PALLD: variants seen among roughly 807,000 people sequenced by gnomAD.
The protein encoded by PALLD is palladin.
In PALLD, 61 loss-of-function variants were observed where a neutral mutation model predicts 123.5. The ratio of observed to expected loss-of-function variants is 0.49; its 90% CI spans 0.40 to 0.61. The LOEUF (loss-of-function observed/expected upper bound fraction) is 0.61. PALLD is among the 20% of genes least tolerant of loss of function. PALLD has a pLI of 0.00. For synonymous variants in PALLD, 465 were observed against 496.4 expected, an observed-to-expected ratio of 0.94 and a Z score of 0.84; for missense variants, 1,273 against 1,377.0, an observed-to-expected ratio of 0.92 and a Z score of 1.20.
chr4:168,678,580 C>CA (rs1402926248), intron 3 of PALLD, among the ~76,000 whole-genome samples: 1 of 152,124 alleles, frequency 6.6e-6, no homozygotes, highest in Admixed American at 6.5e-5. Context: ...GCATGGAAAA[C>CA]AAGCAGGGAG....
intron 10 of PALLD, among the ~76,000 whole-genome samples, chr4:168,777,096 A>G (rs940508212): frequency 3.3e-5 from 5 of 151,890 alleles, no homozygotes; most frequent in African/African-American, 9.7e-5. Context: ...ACAGAGGCAC[A>G]CACATATACA....
At chr4:168,878,546 C>G (rs1220434283) in intron 10 of PALLD, among the ~76,000 whole-genome samples, 2 of 152,238 alleles carry the variant, frequency 1.3e-5, no homozygotes, top group East Asian at 3.8e-4. Flanking sequence ...TGTAAAAATT[C>G]TTAACGGCAA....
intron 2 of PALLD, among the ~76,000 whole-genome samples, chr4:168,552,914 A>G (rs1766885510): frequency 6.6e-6 from 1 of 151,942 alleles, no homozygotes. Context: ...GACCTCAGGT[A>G]ATCTGCTTGC....
In PALLD at chr4:168,761,151, G is replaced by A. The variant is rs1456065551; in HGVS notation, c.1964+49228G>A. Among the ~76,000 whole-genome samples, 4 of 152,270 alleles carry A rather than the reference G, an allele frequency of 2.6e-5. No homozygotes were observed. The South Asian group carries it at 8.3e-4, about 32-fold the overall frequency. On this transcript the variant is annotated intron_variant, in intron 10 of 21. Coordinates refer to ENST00000505667, the MANE Select transcript of PALLD (RefSeq NM_001166108.2). ...TCTTAAACTACTTATATATTAGAAC[G>A]CTGCTGTGGAGGAAGAAATATTTTT...
At chr4:168,593,666 CA>C (rs1561284171) in intron 2 of PALLD, among the ~76,000 whole-genome samples, 1 of 152,090 alleles carries the variant, frequency 6.6e-6, no homozygotes, top group Admixed American at 6.6e-5. Context: ...TCCACTCCAA[CA>C]AATACAGGAA....
At chr4:168,795,903 A>G (rs1420895696) in intron 10 of PALLD, among the ~76,000 whole-genome samples, 1 of 151,716 alleles carries the variant, frequency 6.6e-6, no homozygotes, top group Non-Finnish European at 1.5e-5. Context: ...TTTTATGTTT[A>G]ATGTTTGTGG....
chr4:168,896,714 A>G, intron 13 of PALLD, 115 bp downstream of exon 13: 1 of 666,456 alleles, frequency 1.5e-6, no homozygotes. Context: ...TATAAATGCT[A>G]TGACCAGTGT....
chr4:168,717,938 A>G (rs1005379431), intron 10 of PALLD, among the ~76,000 whole-genome samples: 2 of 149,922 alleles, frequency 1.3e-5, no homozygotes, highest in African/African-American at 5.1e-5. Context: ...CGGAAGGACT[A>G]GGAGGACATT....
intron 2 of PALLD, among the ~76,000 whole-genome samples, chr4:168,551,421 AC>A (rs1004585287): frequency 6.6e-6 from 1 of 152,102 alleles, no homozygotes; most frequent in Non-Finnish European, 1.5e-5. Context: ...ATAACCACAA[AC>A]TTGGGAGTCA....
At chr4:168,576,201 A>G (rs1769560192) in intron 2 of PALLD, among the ~76,000 whole-genome samples, 1 of 152,114 alleles carries the variant, frequency 6.6e-6, no homozygotes. Flanking sequence ...TGGTGCTTAC[A>G]ATTATTTAAT....
chr4:168,596,262 A>G (rs549091569), intron 2 of PALLD, among the ~76,000 whole-genome samples: 11 of 152,290 alleles, frequency 7.2e-5, no homozygotes, highest in African/African-American at 2.6e-4. Flanking sequence ...TATTATACAT[A>G]TCTTAAGTGC....
intron 10 of PALLD, among the ~76,000 whole-genome samples, chr4:168,890,403 A>C (rs1049287430): frequency 5.9e-5 from 9 of 152,234 alleles, no homozygotes; most frequent in Admixed American, 1.3e-4. Flanking sequence ...GGAAGGTAAC[A>C]AACTTAATAT....
rs1352289145 is a variant in PALLD at position 168,925,537 on chromosome 4, T to G, written c.*32+259T>G. The G allele has an allele frequency of 1.2e-5, 6 of 486,640 alleles. No homozygotes were observed. The Admixed American group carries it at 2.0e-4, about 16-fold the overall frequency. The allele number at this position is 486,640 out of a possible 1,614,324, so 30.1% of individuals were successfully genotyped here. On this transcript the variant is annotated intron_variant, in intron 21 of 21. Coordinates refer to ENST00000505667, the MANE Select transcript of PALLD (RefSeq NM_001166108.2). ...ATCCTGGAATGCGTACTTTTGTGGCTTAGTGCTTTTCTCATTAATATATCT... is the reference window on the plus strand; with the variant it reads ...ATCCTGGAATGCGTACTTTTGTGGCGTAGTGCTTTTCTCATTAATATATCT...
intron 10 of PALLD, among the ~76,000 whole-genome samples, chr4:168,730,124 TC>T (rs1287352306): frequency 9.8e-5 from 15 of 152,312 alleles, no homozygotes; most frequent in Middle Eastern, 3.4e-3. Flanking sequence ...TTCTCCATTT[TC>T]CCTGTTCTCT....
intron 10 of PALLD, among the ~76,000 whole-genome samples, chr4:168,786,529 AATT>A (rs1390374946): frequency 3.9e-5 from 6 of 152,228 alleles, no homozygotes; most frequent in African/African-American, 1.4e-4. Context: ...TTTTTAAAAA[AATT>A]ATCCAGGCAT....
At chr4:168,865,588 C>T (rs886999245) in intron 10 of PALLD, among the ~76,000 whole-genome samples, 4 of 152,112 alleles carry the variant, frequency 2.6e-5, no homozygotes, top group Non-Finnish European at 5.9e-5. Flanking sequence ...TTTAGTTCTT[C>T]AGTTATAGGC....
At chr4:168,510,581 C>A (rs1374889940) in intron 1 of PALLD, among the ~76,000 whole-genome samples, 1 of 152,172 alleles carries the variant, frequency 6.6e-6, no homozygotes, top group Non-Finnish European at 1.5e-5. Flanking sequence ...TCCATCCCAA[C>A]CCTTTTTGTA....
intron 8 of PALLD, among the ~76,000 whole-genome samples, chr4:168,704,240 G>T (rs1338853154): frequency 6.6e-6 from 1 of 151,882 alleles, no homozygotes; most frequent in East Asian, 1.9e-4. Context: ...ATTCAAGATG[G>T]ATTAAAGACT....
rs539538192 is a variant in PALLD at position 168,823,678 on chromosome 4, CA to C, written c.1965-67235del. 8.2e-4 allele frequency among the ~76,000 whole-genome samples: 124 copies of C among 150,610 alleles called. No homozygotes were observed. The East Asian group carries it at 0.012, about 15-fold the overall frequency. On this transcript the variant is annotated intron_variant, in intron 10 of 21. Transcript: ENST00000505667. ...CTGGGCAACAGAGCAGGACCCATTT[CA>C]AAAAAAAAGAAATCCCTTTCTCCTT...
Sources: gnomAD v4.1 joint callset for allele counts (sites outside exome capture counted in the v4.1 genomes callset) on GRCh38, gnomAD v4.1.1 for gene constraint, MANE v1.5 for transcripts, NCBI Gene and HGNC (gene_info 2026-07-23, HGNC 2026-07-21) for gene names.